KALRN: variants seen among roughly 807,000 people sequenced by gnomAD.
The protein encoded by KALRN is kalirin.
In KALRN, 70 loss-of-function variants were observed where a neutral mutation model predicts 353.7. The ratio of observed to expected loss-of-function variants is 0.20; its 90% confidence interval spans 0.16 to 0.24. The LOEUF (loss-of-function observed/expected upper bound fraction) is 0.24, where lower values mean the gene tolerates loss of function less well. Ranked by LOEUF, KALRN falls within the 10% of genes least tolerant of loss-of-function variation. The probability of loss-of-function intolerance (pLI) is 1.00; values close to 1 mark genes in which losing one functional copy is unlikely to be tolerated. For missense variants in KALRN, 2,791 were observed against 3,756.7 expected, an observed-to-expected ratio of 0.74 and a Z score of 6.72; for synonymous variants, 1,391 against 1,434.8, an observed-to-expected ratio of 0.97 and a Z score of 0.69.
intron 28 of KALRN, 27 bp downstream of exon 28, chr3:124,482,927 C>T: frequency 6.9e-7 from 1 of 1,451,008 alleles, no homozygotes; most frequent in Non-Finnish European, 9.7e-7. Context: ...CTACATCCCC[C>T]TCCACTGCCT....
chr3:124,637,223 G>A lies in KALRN; in HGVS notation c.5584G>A (p.Ala1862Thr). The stretch of plus-strand genomic sequence containing the variant: ...TGTCTTGCAGTCCTCCTCTTTGCTA[G>A]CAGCCCGGCAGGCTTCCACTGAAGT... ...TQDEMSSSLL[A>T]ARQASTEVPT... is the part of the protein sequence containing the mutation. Residue 1862 changes from alanine to threonine, a missense_variant, in exon 37 of 60, where the codon GCA becomes ACA. Physicochemically the swap from Ala to Thr is moderately conservative, Grantham distance 58. Transcript: ENST00000682506. 2 of 1,614,052 alleles carry A rather than the reference G, an allele frequency of 1.2e-6. No individual in the cohort carries two copies. Among genetic ancestry groups the A allele is most frequent in the South Asian group, 2.2e-5 (2 of 91,082 alleles).
intron 33 of KALRN, among the ~76,000 whole-genome samples, chr3:124,540,157 G>T (rs1349932453): frequency 6.6e-6 from 1 of 152,166 alleles, no homozygotes; most frequent in Non-Finnish European, 1.5e-5. Context: ...CTGTGCTCAA[G>T]CATTCCGCCC....
Position 124,395,336 on chromosome 3 carries a change from G to A in KALRN, c.2164G>A (p.Glu722Lys), listed in dbSNP as rs756529548. 13 of 1,611,700 alleles carry A rather than the reference G, an allele frequency of 8.1e-6. No homozygotes were observed. Among genetic ancestry groups the A allele is most frequent in the South Asian group, 4.4e-5 (4 of 90,532 alleles). ...SAPPSLGEPS[E>K]ARDSAVSNNK... ...GCCTCCCTCCCTCGGGGAGCCCAGCGAGGCCAGGTCAGCATGGGCAGAGCT... is the reference window on the plus strand; with the variant it reads ...GCCTCCCTCCCTCGGGGAGCCCAGCAAGGCCAGGTCAGCATGGGCAGAGCT... The change falls in exon 12 of 60, where the codon GAG becomes AAG. Residue 722 changes from glutamate to lysine, a missense_variant. Around this residue, in one of 11 missense-constraint regions of KALRN, gnomAD observed 452 missense variants for 575.8 expected, o/e 0.78. Coordinates refer to ENST00000682506, the MANE Select transcript of KALRN (RefSeq NM_001388419.1).
chr3:124,469,986 G>A (rs544894036), intron 25 of KALRN, among the ~76,000 whole-genome samples: 1 of 152,254 alleles, frequency 6.6e-6, no homozygotes, highest in East Asian at 1.9e-4. Context: ...CATATTTAAT[G>A]ACAAAACTCA....
chr3:124,322,585 A>C (rs1473337050), intron 6 of KALRN, among the ~76,000 whole-genome samples: 3 of 152,238 alleles, frequency 2.0e-5, no homozygotes, highest in African/African-American at 7.2e-5. Context: ...GCCATGTCCC[A>C]AGGACAAACA....
intron 1 of KALRN, among the ~76,000 whole-genome samples, chr3:124,053,374 G>C (rs775041370): frequency 1.3e-5 from 2 of 152,186 alleles, no homozygotes; most frequent in African/African-American, 4.8e-5. Flanking sequence ...GAAATTTAAT[G>C]GTGGGGTATC....
intron 57 of KALRN, among the ~76,000 whole-genome samples, chr3:124,712,610 A>G (rs1404820843): frequency 6.7e-6 from 1 of 149,414 alleles, no homozygotes; most frequent in Non-Finnish European, 1.5e-5. Flanking sequence ...AGCCATGATC[A>G]CATGACTGCA....
intron 1 of KALRN, among the ~76,000 whole-genome samples, chr3:124,034,434 C>T (rs2039214940): frequency 6.6e-6 from 1 of 152,218 alleles, no homozygotes; most frequent in African/African-American, 2.4e-5. Flanking sequence ...CCTTGTCCTC[C>T]TCTTCAGTTC....
At chr3:124,430,124 C>T (rs1209287737) in intron 15 of KALRN, among the ~76,000 whole-genome samples, 1 of 152,088 alleles carries the variant, frequency 6.6e-6, no homozygotes, top group Non-Finnish European at 1.5e-5. Context: ...GGGAATGAAA[C>T]ATAGGTTGAA....
intron 46 of KALRN, 136 bp from the exon 47 acceptor site, chr3:124,666,876 C>T (rs1410166759): frequency 5.5e-6 from 5 of 901,792 alleles, no homozygotes; most frequent in African/African-American, 5.1e-5. Context: ...GAGACAAAAA[C>T]CTAAGTACTG....
chr3:124,054,152 A>G (rs988955981), intron 1 of KALRN, among the ~76,000 whole-genome samples: 1 of 152,144 alleles, frequency 6.6e-6, no homozygotes, highest in Non-Finnish European at 1.5e-5. Flanking sequence ...ATGGCTGCAT[A>G]TGAGAGGCTT....
intron 25 of KALRN, among the ~76,000 whole-genome samples, chr3:124,465,191 A>C (rs2060214552): frequency 6.6e-6 from 1 of 152,024 alleles, no homozygotes; most frequent in Non-Finnish European, 1.5e-5. Flanking sequence ...GTGTCCTACA[A>C]ATTTTGATTA....
intron 1 of KALRN, among the ~76,000 whole-genome samples, chr3:124,072,150 G>A (rs1356389158): frequency 6.6e-6 from 1 of 152,226 alleles, no homozygotes; most frequent in East Asian, 1.9e-4. Context: ...AAATGTAGTG[G>A]GAGAGGAGCT....
intron 1 of KALRN, among the ~76,000 whole-genome samples, chr3:124,095,371 A>G (rs2061378862): frequency 6.6e-6 from 1 of 152,234 alleles, no homozygotes. Flanking sequence ...TTACCCATCT[A>G]TAAAATGGGC....
Position 124,377,173 on chromosome 3 carries a change from A to G in KALRN, c.1771-7672A>G, listed in dbSNP as rs566088538. On this transcript the variant is annotated intron_variant, in intron 10 of 59. Transcript: ENST00000682506. ...TACGTCTCTGAGCCTCAGTTTTCTC[A>G]TTTGTAAAATGAAATTAATAATACC... Among the ~76,000 whole-genome samples the G allele has an allele frequency of 2.6e-5, 4 of 152,338 alleles. No homozygotes were observed. The South Asian group carries it at 8.3e-4, about 32-fold the overall frequency.
chr3:124,492,691 A>G, intron 31 of KALRN, 49 bp from the exon 32 acceptor site: 1 of 1,588,312 alleles, frequency 6.3e-7, no homozygotes, highest in Non-Finnish European at 8.6e-7. Context: ...TGTTTTTGGT[A>G]AGGTGATGGG....
At chr3:124,396,066 A>C (rs535413148) in intron 12 of KALRN, among the ~76,000 whole-genome samples, 2 of 152,322 alleles carry the variant, frequency 1.3e-5, no homozygotes, top group East Asian at 3.9e-4. Flanking sequence ...GCAAGCCCTC[A>C]GCAACCAACC....
At chr3:124,136,670 T>C (rs1255951519) in intron 1 of KALRN, among the ~76,000 whole-genome samples, 1 of 152,126 alleles carries the variant, frequency 6.6e-6, no homozygotes, top group Non-Finnish European at 1.5e-5. Flanking sequence ...ATAACCAGTT[T>C]CTTGCCAGGA....
chr3:124,135,465 A>T (rs533641014), intron 1 of KALRN, among the ~76,000 whole-genome samples: 5 of 152,296 alleles, frequency 3.3e-5, no homozygotes, highest in African/African-American at 4.8e-5. Context: ...GATCTCACAA[A>T]TCACCACTAA....
Sources: gnomAD v4.1 joint callset for allele counts (sites outside exome capture counted in the v4.1 genomes callset) on GRCh38, gnomAD v4.1.1 for gene constraint, gnomAD v4.1.1 regional missense constraint, MANE v1.5 for transcripts, NCBI Gene and HGNC (gene_info 2026-07-23, HGNC 2026-07-21) for gene names.